GPBP1: variants seen among roughly 807,000 people sequenced by gnomAD.
The protein encoded by GPBP1 is vasculin.
GPBP1 carries 13 observed loss-of-function variants against 56.5 expected under a neutral mutation model. That is an observed-to-expected ratio of 0.23 (90% CI 0.15 to 0.37). The LOEUF is 0.37. Among genes scored for constraint, GPBP1 ranks in the 10% least tolerant of loss-of-function variants. GPBP1 has a pLI of 1.00. For missense variants in GPBP1, 477 were observed against 572.3 expected, an observed-to-expected ratio of 0.83 and a Z score of 1.70; for synonymous variants, 204 against 188.9, an observed-to-expected ratio of 1.08 and a Z score of -0.66.
chr5:57,189,621 C>CT (rs1561325514), intron 2 of GPBP1, among the ~76,000 whole-genome samples: 1 of 152,220 alleles, frequency 6.6e-6, no homozygotes, highest in African/African-American at 2.4e-5. Context: ...ATTGTGTACT[C>CT]TATTTCATTA....
intron 6 of GPBP1, among the ~76,000 whole-genome samples, chr5:57,240,347 A>G (rs749768875): frequency 6.6e-6 from 1 of 152,214 alleles, no homozygotes; most frequent in Non-Finnish European, 1.5e-5. Flanking sequence ...TCTTCTGTCA[A>G]AATAATAGGA....
At chr5:57,187,307 A>C (rs1276997835) in intron 2 of GPBP1, among the ~76,000 whole-genome samples, 2 of 152,200 alleles carry the variant, frequency 1.3e-5, no homozygotes, top group Non-Finnish European at 1.5e-5. Flanking sequence ...TACTTAGAAA[A>C]TGACAACATT....
chr5:57,191,633 C>G (rs1045037619), intron 2 of GPBP1, among the ~76,000 whole-genome samples: 1 of 151,694 alleles, frequency 6.6e-6, no homozygotes, highest in African/African-American at 2.4e-5. Context: ...GCGATCTCAG[C>G]TCACTGCAAC....
intron 6 of GPBP1, among the ~76,000 whole-genome samples, chr5:57,238,247 G>T (rs1236240860): frequency 2.6e-5 from 4 of 152,288 alleles, no homozygotes; most frequent in African/African-American, 7.2e-5. Context: ...TCAAGTGTTA[G>T]TGTGCAGTTG....
At chr5:57,247,266 G>GT in intron 8 of GPBP1, 51 bp downstream of exon 8, 1 of 1,395,536 alleles carries the variant, frequency 7.2e-7, no homozygotes, top group Non-Finnish European at 9.9e-7. Flanking sequence ...AATTATGATA[G>GT]TTTAACAGTG....
At chr5:57,251,164 T>A in intron 10 of GPBP1, 23 bp downstream of exon 10, 1 of 1,551,286 alleles carries the variant, frequency 6.4e-7, no homozygotes, top group East Asian at 2.3e-5. Context: ...TTGTACTTTT[T>A]GCTCAGCATT....
chr5:57,261,161 A>C lies in GPBP1; in HGVS notation c.1161-19A>C, dbSNP rs780736425. On this transcript the variant is annotated intron_variant, in intron 10 of 11. Coordinates refer to ENST00000506184, the MANE Select transcript of GPBP1 (RefSeq NM_022913.4). The stretch of plus-strand genomic sequence containing the variant: ...TCAGGGTAAGCTTTACATTAAACTT[A>C]ATTTCCTCTCCTTTTCAGATTGTTA... 2.0e-6 allele frequency: 3 copies of C among 1,507,410 alleles called. No individual in the cohort carries two copies. Among genetic ancestry groups the C allele is most frequent in the Non-Finnish European group, 2.8e-6 (3 of 1,083,336 alleles). 93.4% of individuals were successfully genotyped at this position (1,507,410 alleles called of 1,614,324 possible).
In GPBP1 at chr5:57,221,971, A is replaced by C. The variant is rs72761782; in HGVS notation, c.63+7778A>C. Among the ~76,000 whole-genome samples, 774 of 152,214 alleles carry C rather than the reference A, an allele frequency of 5.1e-3. 2 individuals are homozygous for C. The highest frequency in any genetic ancestry group is 9.4e-3 in the Non-Finnish European group (639 of 68,008). The stretch of plus-strand genomic sequence containing the variant: ...AGATTTTTTGGTTTATTGTTTATTT[A>C]GGTATTCTGGGCTTTAGAGAAAATT... On this transcript the variant is annotated intron_variant, in intron 3 of 11. Coordinates refer to ENST00000506184, the MANE Select transcript of GPBP1 (RefSeq NM_022913.4).
In GPBP1 at chr5:57,247,181, A is replaced by C; in HGVS notation, c.770A>C (p.Lys257Thr). 1 of 1,613,812 alleles carries C rather than the reference A, an allele frequency of 6.2e-7. No individual in the cohort carries two copies. Reference protein sequence around the residue: ...GNFNAFKSTAKNFSPSTNSVK... With the variant: ...GNFNAFKSTATNFSPSTNSVK... ...TTTAATGCTTTTAAATCAACTGCCA[A>C]GAACTTTAGTCCATCTACAAATTCA... Residue 257 changes from lysine (K) to threonine (T), a missense_variant, in exon 8 of 12, where the codon AAG (lysine) becomes ACG (threonine). Coordinates refer to ENST00000506184, the MANE Select transcript of GPBP1 (RefSeq NM_022913.4).
chr5:57,258,589 C>G (rs1249600868), intron 10 of GPBP1, among the ~76,000 whole-genome samples: 1 of 152,118 alleles, frequency 6.6e-6, no homozygotes, highest in Non-Finnish European at 1.5e-5. Context: ...AATATAGTTA[C>G]GTGGCACATG....
rs1741095692 is a variant in GPBP1, at chr5:57,246,409, A to C, written c.588A>C (p.Ser196=). 6.2e-7 allele frequency: 1 copy of C among 1,613,944 alleles called. No individual in the cohort carries two copies. The highest frequency in any genetic ancestry group is 1.3e-5 in the African/African-American group (1 of 74,938). ...TCCCAGTAGTAGGAAATCTTCCGTC[A>C]CAGCCAGTTAAGAATGGAACTGGTC... The part of the protein sequence containing the change: ...SGFPVVGNLP[S]QPVKNGTGPS... Residue 196 remains serine (S), a synonymous_variant, in exon 7 of 12, where the codon TCA becomes TCC. Transcript: ENST00000506184.
intron 2 of GPBP1, among the ~76,000 whole-genome samples, chr5:57,198,842 T>C (rs1031191857): frequency 6.6e-6 from 1 of 152,212 alleles, no homozygotes; most frequent in African/African-American, 2.4e-5. Context: ...TATTTAACTC[T>C]TTTTGGTACT....
At chr5:57,248,824 A>G (rs1032953984) in intron 8 of GPBP1, 3 of 152,214 alleles carry the variant, frequency 2.0e-5, no homozygotes, top group Non-Finnish European at 4.4e-5. Flanking sequence ...ATATACATAC[A>G]TTAATGCCAA....
chr5:57,239,210 A>G (rs541035572), intron 6 of GPBP1, among the ~76,000 whole-genome samples: 1 of 152,348 alleles, frequency 6.6e-6, no homozygotes, highest in East Asian at 1.9e-4. Context: ...CATGGTTGAA[A>G]AGGGAAAATT....
intron 2 of GPBP1, among the ~76,000 whole-genome samples, chr5:57,190,550 C>G (rs555848854): frequency 3.3e-5 from 5 of 150,664 alleles, no homozygotes; most frequent in African/African-American, 1.2e-4. Context: ...CGCCACTGCA[C>G]TCCAGCCTGG....
At chr5:57,220,945 C>G (rs1291435954) in intron 3 of GPBP1, among the ~76,000 whole-genome samples, 1 of 152,092 alleles carries the variant, frequency 6.6e-6, no homozygotes, top group Non-Finnish European at 1.5e-5. Context: ...TTTGTTTACC[C>G]ACATCGTTTC....
chr5:57,189,908 C>T (rs1451934389), intron 2 of GPBP1, among the ~76,000 whole-genome samples: 1 of 152,164 alleles, frequency 6.6e-6, no homozygotes, highest in Non-Finnish European at 1.5e-5. Flanking sequence ...TTAGCTCAAA[C>T]CTAACTTTCT....
chr5:57,188,914 C>A (rs1444846459), intron 2 of GPBP1, among the ~76,000 whole-genome samples: 2 of 152,122 alleles, frequency 1.3e-5, no homozygotes, highest in Admixed American at 1.3e-4. Context: ...ATTATGTGTT[C>A]TACCTTCAAA....
In GPBP1 at chr5:57,264,028, GT is replaced by G. The variant is rs1481743989; in HGVS notation, c.*1280del. Reference sequence around the variant, plus strand: ...AAGTGTTTGTTGTTTTTTAAAAAGTGTTTTCTCAGATGGCTGCAGTGTTTTT... The same window carrying G: ...AAGTGTTTGTTGTTTTTTAAAAAGTGTTTCTCAGATGGCTGCAGTGTTTTT... On this transcript the variant is annotated 3_prime_UTR_variant, in exon 12 of 12. Coordinates refer to ENST00000506184, the MANE Select transcript of GPBP1 (RefSeq NM_022913.4). 6.6e-6 allele frequency: 1 copy of G among 152,028 alleles called. No individual in the cohort carries two copies. Among genetic ancestry groups the G allele is most frequent in the Non-Finnish European group, 1.5e-5 (1 of 67,976 alleles). 9.4% of individuals were successfully genotyped at this position (152,028 alleles called of 1,614,324 possible).
Sources: allele counts gnomAD v4.1 joint callset (sites outside exome capture counted in the v4.1 genomes callset), GRCh38; gene constraint gnomAD v4.1.1; transcripts MANE v1.5; gene names NCBI Gene and HGNC (gene_info 2026-07-23, HGNC 2026-07-21).